GPSM2: variants seen among roughly 807,000 people sequenced by gnomAD.
GPSM2 encodes G protein-signaling modulator 2.
Under a neutral mutation model 78.4 loss-of-function variants are expected in GPSM2, and 58 were observed. The observed-to-expected ratio is 0.74, with a 90% CI of 0.60 to 0.92. The LOEUF (loss-of-function observed/expected upper bound fraction) is 0.92, where lower values mean the gene tolerates loss of function less well. Among genes scored for constraint, GPSM2 ranks in the 40% least tolerant of loss-of-function variants. The probability of loss-of-function intolerance (pLI) is 0.00; values close to 1 mark genes in which losing one functional copy is unlikely to be tolerated. For synonymous variants in GPSM2, 224 were observed against 280.2 expected, an observed-to-expected ratio of 0.80 and a Z score of 2.00; for missense variants, 700 against 815.5, an observed-to-expected ratio of 0.86 and a Z score of 1.73.
In GPSM2 at chr1:108,932,499, T is replaced by C. The variant is rs549656996; in HGVS notation, c.*2559T>C. On this transcript the variant is annotated 3_prime_UTR_variant, in exon 15 of 15. Transcript: ENST00000264126. ...AAAGTAGACTTCATCCCCAAATGGA[T>C]ATCTGTAATGAAAGAATACAAAGGT... 1 of 152,348 alleles carries C rather than the reference T, an allele frequency of 6.6e-6. No homozygotes were observed. The highest frequency in any genetic ancestry group is 2.1e-4 in the South Asian group (1 of 4,830). The allele number at this position is 152,348 out of a possible 1,614,324, so 9.4% of individuals were successfully genotyped here.
intron 2 of GPSM2, among the ~76,000 whole-genome samples, chr1:108,891,696 G>A (rs1052003431): frequency 3.4e-5 from 5 of 146,718 alleles, no homozygotes; most frequent in Non-Finnish European, 7.5e-5. Flanking sequence ...GTGGAGATGG[G>A]GTTTTGCCAT....
In GPSM2 at chr1:108,931,517, T is replaced by G. The variant is rs1299508597; in HGVS notation, c.*1577T>G. The G allele has an allele frequency of 1.3e-6, 2 of 1,532,470 alleles. No homozygotes were observed. The highest frequency in any genetic ancestry group is 1.8e-6 in the Non-Finnish European group (2 of 1,137,390). 94.9% of individuals were successfully genotyped at this position (1,532,470 alleles called of 1,614,324 possible). A position where few individuals can be genotyped will look rare whatever the true frequency, so the allele number is the denominator to read the frequency against. On this transcript the variant is annotated 3_prime_UTR_variant, in exon 15 of 15. Coordinates refer to ENST00000264126, the MANE Select transcript of GPSM2 (RefSeq NM_013296.5). ...TGGGATCTGGGGATGTGGACCCCTA[T>G]TCTTTCAAAAAGTCATTCAGGTGAT...
At chr1:108,904,011 C>A in intron 9 of GPSM2, 114 bp from the exon 10 acceptor site, 1 of 748,804 alleles carries the variant, frequency 1.3e-6, no homozygotes, top group Admixed American at 2.2e-5. Flanking sequence ...TCTAATATAA[C>A]TATTTTCATT....
At chr1:108,883,198 G>T (rs1647256819) in intron 1 of GPSM2, among the ~76,000 whole-genome samples, 1 of 152,108 alleles carries the variant, frequency 6.6e-6, no homozygotes, top group African/African-American at 2.4e-5. Context: ...ATTTCCTCTT[G>T]GAAACTTCAT....
intron 8 of GPSM2, 37 bp downstream of exon 8, chr1:108,901,982 A>C (rs1264343327): frequency 7.3e-7 from 1 of 1,372,414 alleles, no homozygotes; most frequent in East Asian, 2.3e-5. Flanking sequence ...CTAAGGTAAA[A>C]TATAGATGCA....
intron 10 of GPSM2, among the ~76,000 whole-genome samples, chr1:108,908,288 G>A (rs1014116610): frequency 1.9e-4 from 29 of 151,886 alleles, no homozygotes; most frequent in Non-Finnish European, 1.3e-4. Flanking sequence ...GGAGAATGGC[G>A]TGAACCTGGG....
chr1:108,913,913 G>C (rs1649972468), intron 10 of GPSM2, among the ~76,000 whole-genome samples: 1 of 152,170 alleles, frequency 6.6e-6, no homozygotes, highest in Admixed American at 6.5e-5. Flanking sequence ...CTAGAAAAGA[G>C]TAACAGCATA....
chr1:108,893,415 T>C (rs1648117687), intron 2 of GPSM2, among the ~76,000 whole-genome samples: 1 of 152,158 alleles, frequency 6.6e-6, no homozygotes. Flanking sequence ...AGTAATCCAT[T>C]GTATAGTGGC....
In GPSM2 at chr1:108,931,264, T is replaced by A. The variant is rs1000852277; in HGVS notation, c.*1324T>A. 1.4e-6 allele frequency: 2 copies of A among 1,455,804 alleles called. No homozygotes were observed. Among genetic ancestry groups the A allele is most frequent in the East Asian group, 5.1e-5 (2 of 39,562 alleles). 90.2% of individuals were successfully genotyped at this position (1,455,804 alleles called of 1,614,324 possible). Reference sequence around the variant, plus strand: ...ACAAAAATTAAATATGAAAGAAAGATGTCAGCTAGAACCTTAGTTGTCATT... The same window carrying A: ...ACAAAAATTAAATATGAAAGAAAGAAGTCAGCTAGAACCTTAGTTGTCATT... On this transcript the variant is annotated 3_prime_UTR_variant, in exon 15 of 15. Transcript: ENST00000264126.
At position 108,922,428 on chromosome 1, in the gene GPSM2, A is replaced by C. The variant is rs1650779804; in HGVS notation, c.1452A>C (p.Ala484=). 6.2e-7 allele frequency: 1 copy of C among 1,608,866 alleles called. No individual in the cohort carries two copies. Among genetic ancestry groups the C allele is most frequent in the Admixed American group, 1.7e-5 (1 of 59,994 alleles). The change falls in exon 13 of 15, where the codon GCA becomes GCC. Residue 484 remains alanine (A), a synonymous_variant. Coordinates refer to ENST00000264126, the MANE Select transcript of GPSM2 (RefSeq NM_013296.5). The stretch of plus-strand genomic sequence containing the variant: ...TCTCAATATTTTAGAAAATCAGTGC[A>C]GATACTATTGGAGATGAAGGGTTCT... ...RIPNSQRKIS[A]DTIGDEGFFD... is the part of the protein sequence containing the mutation.
intron 14 of GPSM2, among the ~76,000 whole-genome samples, chr1:108,928,530 CTA>C (rs1240633373): frequency 1.3e-5 from 2 of 152,210 alleles, no homozygotes; most frequent in South Asian, 4.1e-4. Flanking sequence ...GTTCAGGGAT[CTA>C]TGTCTTATCA....
At chr1:108,903,781 A>T (rs965182691) in intron 9 of GPSM2, among the ~76,000 whole-genome samples, 1 of 152,156 alleles carries the variant, frequency 6.6e-6, no homozygotes, top group Non-Finnish European at 1.5e-5. Flanking sequence ...TTCTAAGAAA[A>T]TTTTATTCAT....
At chr1:108,896,737 A>G in intron 2 of GPSM2, 127 bp from the exon 3 acceptor site, 2 of 782,508 alleles carry the variant, frequency 2.6e-6, no homozygotes, top group South Asian at 1.4e-5. Flanking sequence ...GAATGTATAT[A>G]AACTTCAGTT....
chr1:108,891,686 G>GTTTT (rs1647983228), intron 2 of GPSM2, among the ~76,000 whole-genome samples: 2 of 102,930 alleles, frequency 1.9e-5, no homozygotes, highest in African/African-American at 4.6e-5. Flanking sequence ...TTTTTTTTTG[G>GTTTT]TGGAGATGGG....
At chr1:108,902,361 CAG>C (rs1648890818) in intron 8 of GPSM2, among the ~76,000 whole-genome samples, 1 of 142,674 alleles carries the variant, frequency 7.0e-6, no homozygotes, top group Non-Finnish European at 1.5e-5. Flanking sequence ...AGCCTGGCGA[CAG>C]AGCAAGACTG....
chr1:108,894,365 T>C (rs1411689029), intron 2 of GPSM2, among the ~76,000 whole-genome samples: 1 of 152,172 alleles, frequency 6.6e-6, no homozygotes, highest in Non-Finnish European at 1.5e-5. Flanking sequence ...TGTAGCAAAA[T>C]GTTGGAGGTT....
intron 13 of GPSM2, among the ~76,000 whole-genome samples, chr1:108,922,856 G>A (rs956069582): frequency 6.6e-6 from 1 of 152,092 alleles, no homozygotes; most frequent in Non-Finnish European, 1.5e-5. Flanking sequence ...TGAGCCAGGT[G>A]TGGTGGTGCA....
rs1234023530 is a variant in GPSM2, at chr1:108,898,688, G to C, written c.604G>C (p.Gly202Arg). The C allele has an allele frequency of 6.2e-7, 1 of 1,613,502 alleles. No homozygotes were observed. The highest frequency in any genetic ancestry group is 1.3e-5 in the African/African-American group (1 of 74,912). The change falls in exon 6 of 15, where the codon GGA becomes CGA. Residue 202 changes from glycine to arginine, a missense_variant. Transcript: ENST00000264126. Reference protein sequence around the residue: ...VTALGDRAAQGRAFGNLGNTH... With the variant: ...VTALGDRAAQRRAFGNLGNTH... Reference sequence around the variant, plus strand: ...TGCTTTGGGTGACCGAGCGGCACAAGGACGTGCCTTTGGAAATCTTGGAAA... The same window carrying C: ...TGCTTTGGGTGACCGAGCGGCACAACGACGTGCCTTTGGAAATCTTGGAAA...
chr1:108,913,486 G>C (rs1207483642), intron 10 of GPSM2, among the ~76,000 whole-genome samples: 1 of 152,052 alleles, frequency 6.6e-6, no homozygotes, highest in Non-Finnish European at 1.5e-5. Flanking sequence ...ACAAACATAA[G>C]GTTTCTCAAA....
Sources: allele counts gnomAD v4.1 joint callset (sites outside exome capture counted in the v4.1 genomes callset), GRCh38; gene constraint gnomAD v4.1.1; transcripts MANE v1.5; gene names NCBI Gene and HGNC (gene_info 2026-07-23, HGNC 2026-07-21).